Variants in ESR1 observed in about 807,000 individuals in gnomAD.
ESR1 encodes the protein estrogen receptor 1, also known as estrogen receptor.
ESR1 carries 12 observed loss-of-function variants against 52.7 expected under a neutral mutation model. The observed-to-expected ratio is 0.23, with a 90% CI of 0.15 to 0.37. The LOEUF (loss-of-function observed/expected upper bound fraction) is 0.37. Among genes scored for constraint, ESR1 ranks in the 10% least tolerant of loss-of-function variants. The pLI is 1.00. For missense variants in ESR1, 584 were observed against 779.7 expected (o/e 0.75, Z 2.99); for synonymous variants, 305 against 316.8 (o/e 0.96, Z 0.39).
chr6:151,949,616 C>T (rs143382204), intron 4 of ESR1, among the ~76,000 whole-genome samples: 6 of 152,346 alleles, frequency 3.9e-5, no homozygotes, highest in African/African-American at 1.4e-4. Flanking sequence ...GCTGGAATCG[C>T]CCTAGCAGGC....
chr6:152,002,047 TA>T lies in ESR1; in HGVS notation c.1097-9605del, dbSNP rs1470155533. ...CAGCATTTCTGGCAATTTTACCTTG[TA>T]AAACTCCCGTTTCGACATTCTGAAC... On this transcript the variant is annotated intron_variant, in intron 4 of 7. Transcript: ENST00000206249. Among the ~76,000 whole-genome samples, 3 of 152,130 alleles carry T rather than the reference TA, an allele frequency of 2.0e-5. No homozygotes were observed. In the East Asian group the frequency reaches 5.8e-4, roughly 30 times the overall value.
At chr6:151,829,970 T>C (rs1360434657) in intron 1 of ESR1, among the ~76,000 whole-genome samples, 1 of 152,212 alleles carries the variant, frequency 6.6e-6, no homozygotes, top group African/African-American at 2.4e-5. Flanking sequence ...ATAATTTTTG[T>C]AGTAAAAATT....
At chr6:152,116,815 T>C (rs2051216138) in intron 6 of ESR1, among the ~76,000 whole-genome samples, 1 of 152,088 alleles carries the variant, frequency 6.6e-6, no homozygotes, top group South Asian at 2.1e-4. Context: ...CATACTGCTA[T>C]AATTAAAACA....
intron 1 of ESR1, among the ~76,000 whole-genome samples, chr6:151,684,258 T>G (rs992382473): frequency 6.6e-6 from 1 of 151,944 alleles, no homozygotes; most frequent in African/African-American, 2.4e-5. Context: ...ACACCTGACC[T>G]AGATAGAGAA....
chr6:151,871,766 T>C (rs1791014907), intron 2 of ESR1, among the ~76,000 whole-genome samples: 1 of 152,186 alleles, frequency 6.6e-6, no homozygotes, highest in African/African-American at 2.4e-5. Flanking sequence ...TGCTGACCTC[T>C]CTTCTACTTT....
intron 5 of ESR1, among the ~76,000 whole-genome samples, chr6:152,057,751 G>A (rs369619075): frequency 1.5e-4 from 23 of 151,698 alleles, no homozygotes; most frequent in African/African-American, 5.3e-4. Context: ...TTGAGAGTTT[G>A]GGGTATACAC....
At chr6:152,070,375 A>C (rs1483206878) in intron 6 of ESR1, among the ~76,000 whole-genome samples, 1 of 137,804 alleles carries the variant, frequency 7.3e-6, no homozygotes, top group Non-Finnish European at 1.5e-5. Flanking sequence ...GAACTGAAGA[A>C]AACCTTAAGG....
intron 6 of ESR1, among the ~76,000 whole-genome samples, chr6:152,077,742 T>A (rs2048859536): frequency 6.6e-6 from 1 of 152,190 alleles, no homozygotes; most frequent in African/African-American, 2.4e-5. Context: ...CCTGGTGGAT[T>A]TTAGACTTGT....
At chr6:152,108,627 T>C (rs2051095545) in intron 6 of ESR1, among the ~76,000 whole-genome samples, 1 of 152,180 alleles carries the variant, frequency 6.6e-6, no homozygotes, top group East Asian at 1.9e-4. Context: ...TGCCATGTGT[T>C]ATTTCTGGGG....
exon 7 of ESR1, chr6:152,127,102 T>C (rs1314155829): frequency 1.3e-5 from 2 of 152,136 alleles, no homozygotes; most frequent in African/African-American, 2.4e-5. Context: ...AGGTCTTCTT[T>C]TTTTCCAAAC....
chr6:151,831,147 T>TTTTC (rs1491390658), intron 1 of ESR1, among the ~76,000 whole-genome samples: 111 of 80,042 alleles, frequency 1.4e-3, no homozygotes, highest in African/African-American at 0.012. Context: ...TTTTCTTTTC[T>TTTTC]TTTTTTTTTT....
chr6:151,800,254 C>T (rs1437314802), upstream of ESR1, among the ~76,000 whole-genome samples: 1 of 151,928 alleles, frequency 6.6e-6, no homozygotes, highest in Non-Finnish European at 1.5e-5. Flanking sequence ...GGGGCTGAAT[C>T]CTGGGGTACC....
At position 152,102,513 on chromosome 6, in the gene ESR1, T is replaced by C. The variant is rs2050992530; in HGVS notation, c.*3547T>C. On this transcript the variant is annotated 3_prime_UTR_variant, in exon 8 of 8. Coordinates refer to ENST00000206249, the MANE Select transcript of ESR1 (RefSeq NM_000125.4). ...TTTGGTGCAGGTCTTGGGAGCGTGA[T>C]CTAGATTACACTGCACCATTCCCAA... The C allele has an allele frequency of 4.7e-6, 1 of 210,726 alleles. No homozygotes were observed. 13.1% of individuals were successfully genotyped at this position (210,726 alleles called of 1,614,324 possible).
rs1473129614 is a variant in ESR1, at chr6:152,099,136, C to G, written c.*170C>G. 1 of 647,358 alleles carries G rather than the reference C, an allele frequency of 1.5e-6. No individual in the cohort carries two copies. Among genetic ancestry groups the G allele is most frequent in the Non-Finnish European group, 2.8e-6 (1 of 356,654 alleles). 40.1% of individuals were successfully genotyped at this position (647,358 alleles called of 1,614,324 possible). ...GCTTGCTCAGTTCTTAGTGGCACAT[C>G]TTCTGTCTTCTGTTGGGAACAGCCA... On this transcript the variant is annotated 3_prime_UTR_variant, in exon 8 of 8. Transcript: ENST00000206249.
chr6:151,983,970 T>G (rs1022786899), intron 4 of ESR1: 1 of 152,144 alleles, frequency 6.6e-6, no homozygotes, highest in African/African-American at 2.4e-5. Flanking sequence ...CTCCCCAATT[T>G]GCAGATTTCT....
chr6:151,846,752 G>A (rs1410185559), intron 2 of ESR1, among the ~76,000 whole-genome samples: 1 of 152,338 alleles, frequency 6.6e-6, no homozygotes, highest in East Asian at 1.9e-4. Flanking sequence ...CAAAGTGAAG[G>A]ATGCTATTTA....
intron 6 of ESR1, among the ~76,000 whole-genome samples, chr6:152,083,675 A>T (rs1338346974): frequency 6.6e-6 from 1 of 152,266 alleles, no homozygotes; most frequent in African/African-American, 2.4e-5. Context: ...GGCAACCTAC[A>T]GAGTGGGAGA....
intron 2 of ESR1, among the ~76,000 whole-genome samples, chr6:151,713,636 A>T (rs935287325): frequency 2.0e-5 from 3 of 152,244 alleles, no homozygotes; most frequent in Admixed American, 2.0e-4. Flanking sequence ...AGAGGTGTTT[A>T]TAGTATTCTC....
chr6:151,683,048 A>G (rs1476825204), intron 1 of ESR1, among the ~76,000 whole-genome samples: 1 of 152,198 alleles, frequency 6.6e-6, no homozygotes, highest in African/African-American at 2.4e-5. Flanking sequence ...TGACCTAGTG[A>G]TCCAAATGCC....
Sources: allele counts gnomAD v4.1 joint callset (sites outside exome capture counted in the v4.1 genomes callset), GRCh38; gene constraint gnomAD v4.1.1; transcripts MANE v1.5; gene names NCBI Gene and HGNC (gene_info 2026-07-23, HGNC 2026-07-21).